Variants in OTUD7A observed in about 807,000 individuals in gnomAD.
OTUD7A encodes the protein OTU deubiquitinase 7A.
A neutral mutation model predicts 65.7 loss-of-function variants in OTUD7A; 12 were observed. That is an observed-to-expected ratio of 0.18 (90% CI 0.12 to 0.30). The LOEUF (loss-of-function observed/expected upper bound fraction) is 0.30, where lower values mean the gene tolerates loss of function less well. Among genes scored for constraint, OTUD7A ranks in the 10% least tolerant of loss-of-function variants. The probability of loss-of-function intolerance (pLI) is 1.00; values close to 1 mark genes in which losing one functional copy is unlikely to be tolerated. For missense variants in OTUD7A, 1,148 were observed against 1,304.8 expected (o/e 0.88, Z 1.85); for synonymous variants, 641 against 586.3 (o/e 1.09, Z -1.35).
chr15:31,853,367 G>T (rs1897479804), intron 1 of OTUD7A, among the ~76,000 whole-genome samples: 1 of 152,236 alleles, frequency 6.6e-6, no homozygotes, highest in Non-Finnish European at 1.5e-5. Flanking sequence ...AAAAAGGAAA[G>T]GGAGAGAGAA....
chr15:31,585,349 A>G (rs1209598064), intron 3 of OTUD7A, among the ~76,000 whole-genome samples: 2 of 152,220 alleles, frequency 1.3e-5, no homozygotes, highest in Non-Finnish European at 2.9e-5. Flanking sequence ...AGGCAGCAGG[A>G]GAAGTCTTCG....
At chr15:31,827,295 T>G (rs1209368862) in intron 1 of OTUD7A, among the ~76,000 whole-genome samples, 1 of 152,118 alleles carries the variant, frequency 6.6e-6, no homozygotes, top group Non-Finnish European at 1.5e-5. Context: ...TGGTCTTACA[T>G]GGATGGCAGG....
intron 1 of OTUD7A, among the ~76,000 whole-genome samples, chr15:31,792,604 A>G (rs1895846731): frequency 1.3e-5 from 2 of 151,904 alleles, no homozygotes; most frequent in South Asian, 4.2e-4. Flanking sequence ...CTCCTCTGGG[A>G]CCCTTGCTGA....
intron 3 of OTUD7A, among the ~76,000 whole-genome samples, chr15:31,614,303 T>C (rs1346301316): frequency 7.1e-6 from 1 of 140,042 alleles, no homozygotes; most frequent in Admixed American, 7.2e-5. Context: ...TATGGAAAAA[T>C]AGAAAAAAAA....
intron 1 of OTUD7A, among the ~76,000 whole-genome samples, chr15:31,753,004 G>A (rs1894680373): frequency 6.6e-6 from 1 of 152,134 alleles, no homozygotes; most frequent in African/African-American, 2.4e-5. Flanking sequence ...TTGTAGTCAA[G>A]GGTCAATATT....
At chr15:31,631,543 T>C (rs1228051941) in intron 3 of OTUD7A, among the ~76,000 whole-genome samples, 4 of 152,230 alleles carry the variant, frequency 2.6e-5, no homozygotes, top group Admixed American at 6.5e-5. Context: ...ATTTCAACTT[T>C]GGTGAATCTG....
chr15:31,659,200 G>A (rs184610208), intron 1 of OTUD7A, among the ~76,000 whole-genome samples: 158 of 152,336 alleles, frequency 1.0e-3, no homozygotes, highest in South Asian at 4.8e-3. Flanking sequence ...GAATGAGACT[G>A]GGAGATGATG....
At chr15:31,688,728 G>C (rs1357562995) in intron 1 of OTUD7A, among the ~76,000 whole-genome samples, 1 of 152,102 alleles carries the variant, frequency 6.6e-6, no homozygotes, top group Non-Finnish European at 1.5e-5. Context: ...AAATGATTCA[G>C]ACAAAAAGAA....
At chr15:31,776,988 A>G (rs2140920838) in intron 1 of OTUD7A, among the ~76,000 whole-genome samples, 2 of 152,316 alleles carry the variant, frequency 1.3e-5, no homozygotes, top group East Asian at 3.9e-4. Flanking sequence ...TCTAAAAAAA[A>G]AAAATGGAGC....
intron 3 of OTUD7A, among the ~76,000 whole-genome samples, chr15:31,603,174 G>C (rs990341621): frequency 1.3e-5 from 2 of 152,098 alleles, no homozygotes; most frequent in African/African-American, 4.8e-5. Context: ...GGGGCATCAC[G>C]CTACCTGACT....
chr15:31,768,280 C>T (rs1285898777), intron 1 of OTUD7A: 6 of 726,966 alleles, frequency 8.3e-6, no homozygotes, highest in Admixed American at 4.0e-5. Context: ...CGGCGAGTCT[C>T]GGCACAACCA....
chr15:31,786,294 C>T (rs1170747528), intron 1 of OTUD7A, among the ~76,000 whole-genome samples: 1 of 152,190 alleles, frequency 6.6e-6, no homozygotes, highest in East Asian at 1.9e-4. Flanking sequence ...ATGATAAGCA[C>T]TAAATATTAG....
At chr15:31,664,653 T>G (rs1892269548) in intron 1 of OTUD7A, among the ~76,000 whole-genome samples, 1 of 152,216 alleles carries the variant, frequency 6.6e-6, no homozygotes, top group Non-Finnish European at 1.5e-5. Context: ...CAAAAGCTCT[T>G]TAGTTTAATT....
intron 3 of OTUD7A, among the ~76,000 whole-genome samples, chr15:31,595,488 C>T (rs1331248498): frequency 6.6e-6 from 1 of 152,214 alleles, no homozygotes; most frequent in African/African-American, 2.4e-5. Context: ...CAAGTGTGCA[C>T]ATCACTGTAA....
intron 3 of OTUD7A, among the ~76,000 whole-genome samples, chr15:31,632,930 G>A (rs1371171549): frequency 5.3e-5 from 8 of 152,166 alleles, no homozygotes; most frequent in African/African-American, 1.4e-4. Flanking sequence ...AGCCAGATGC[G>A]GGATATAATC....
rs546649040 is a variant in OTUD7A, at chr15:31,484,896, G to A, written c.1372-172C>T. Among the ~76,000 whole-genome samples the A allele has an allele frequency of 2.6e-5, 4 of 152,336 alleles. No individual in the cohort carries two copies. In the East Asian group the frequency reaches 5.8e-4, roughly 22 times the overall value. On this transcript the variant is annotated intron_variant, in intron 12 of 12. Coordinates refer to ENST00000307050, the MANE Select transcript of OTUD7A (RefSeq NM_001382637.1). This position sits in a 1 kb window ranked among gnomAD's most constrained non-coding sequence, Gnocchi z 4.5. ...TGACATCCGGATGGGCGGTGCTGAAGGAGCGGATAGGAGTGGGCTCTGATC... is the reference window on the plus strand; with the variant it reads ...TGACATCCGGATGGGCGGTGCTGAAAGAGCGGATAGGAGTGGGCTCTGATC...
chr15:31,795,147 T>C lies in OTUD7A; in HGVS notation c.-100+75360A>G, dbSNP rs1485708564. Among the ~76,000 whole-genome samples the C allele has an allele frequency of 3.9e-5, 6 of 152,346 alleles. No individual in the cohort carries two copies. In the East Asian group the frequency reaches 1.2e-3, roughly 29 times the overall value. On this transcript the variant is annotated intron_variant, in intron 1 of 12. Coordinates refer to ENST00000307050, the MANE Select transcript of OTUD7A (RefSeq NM_001382637.1). ...CAGATCTGCCTGCTCATTCGAATCCTAGGATAAAAGGTTACTGGGTTACAG... is the reference window on the plus strand; with the variant it reads ...CAGATCTGCCTGCTCATTCGAATCCCAGGATAAAAGGTTACTGGGTTACAG...
chr15:31,685,730 G>A (rs1892822122), intron 1 of OTUD7A, among the ~76,000 whole-genome samples: 1 of 152,236 alleles, frequency 6.6e-6, no homozygotes, highest in South Asian at 2.1e-4. Flanking sequence ...CCTTACTGAT[G>A]AGTTAAATAA....
rs778669864 is a variant in OTUD7A at position 31,484,577 on chromosome 15, TCTC to T, written c.1516_1518del (p.Glu506del). On this transcript the variant is annotated inframe_deletion, in exon 13 of 13. Transcript: ENST00000307050. The surrounding 1 kb of genome is among the most constrained non-coding windows in gnomAD (Gnocchi z 4.5). ...GTCTTGTCCTTCTCCTTGCGCTGCT[TCTC>T]CTTCTCCTTGTCCTTGCCGTTCTTG... 1 of 1,610,720 alleles carries T rather than the reference TCTC, an allele frequency of 6.2e-7. No individual in the cohort carries two copies. Among genetic ancestry groups the T allele is most frequent in the South Asian group, 1.1e-5 (1 of 90,826 alleles).
Sources: allele counts gnomAD v4.1 joint callset (sites outside exome capture counted in the v4.1 genomes callset), GRCh38; gene constraint gnomAD v4.1.1; non-coding constraint Gnocchi (gnomAD v3.1); transcripts MANE v1.5; gene names NCBI Gene and HGNC (gene_info 2026-07-23, HGNC 2026-07-21).